Variants in NUF2 observed in about 807,000 individuals in gnomAD.
NUF2 encodes kinetochore protein Nuf2.
Under a neutral mutation model 61.8 loss-of-function variants are expected in NUF2, and 34 were observed. That is an observed-to-expected ratio of 0.55 (90% CI 0.42 to 0.73). The LOEUF (loss-of-function observed/expected upper bound fraction) is 0.73, where lower values mean the gene tolerates loss of function less well. NUF2 is among the 30% of genes least tolerant of loss of function. NUF2 has a pLI of 0.00. For missense variants in NUF2, 445 were observed against 539.1 expected (o/e 0.83, Z 1.73); for synonymous variants, 172 against 181.6 (o/e 0.95, Z 0.42).
chr1:163,352,093 AT>A (rs34818618), intron 13 of NUF2, among the ~76,000 whole-genome samples: 19,963 of 151,766 alleles, frequency 0.13, 1,630 homozygotes, highest in Non-Finnish European at 0.17. Flanking sequence ...ATTTCTTTGT[AT>A]TTCTCAATTG....
intron 1 of NUF2, among the ~76,000 whole-genome samples, chr1:163,325,354 T>C (rs1650381161): frequency 6.6e-6 from 1 of 152,186 alleles, no homozygotes; most frequent in East Asian, 1.9e-4. Flanking sequence ...CATTGCCAGA[T>C]GTGCCCTTGG....
chr1:163,325,387 C>A (rs143134502), intron 1 of NUF2, among the ~76,000 whole-genome samples: 1 of 152,258 alleles, frequency 6.6e-6, no homozygotes, highest in South Asian at 2.1e-4. Context: ...AGAACTACTA[C>A]GCTAGGGGGA....
chr1:163,341,067 A>G (rs1205180156), intron 9 of NUF2, among the ~76,000 whole-genome samples: 11 of 152,184 alleles, frequency 7.2e-5, no homozygotes, highest in Non-Finnish European at 1.0e-4. Context: ...TGATTTCTAG[A>G]AAGATACCAA....
intron 1 of NUF2, among the ~76,000 whole-genome samples, 194 bp from the exon 2 acceptor site, chr1:163,325,836 CTG>C (rs776927640): frequency 6.6e-6 from 1 of 152,158 alleles, no homozygotes; most frequent in Non-Finnish European, 1.5e-5. Context: ...CAGAAAATAA[CTG>C]TGTCACCTTA....
chr1:163,336,451 C>G (rs1414958280), intron 5 of NUF2, among the ~76,000 whole-genome samples: 1 of 152,072 alleles, frequency 6.6e-6, no homozygotes, highest in East Asian at 1.9e-4. Flanking sequence ...TGCCTTTTAT[C>G]CAGCATCTAA....
At chr1:163,349,564 T>C (rs2101690550) in intron 13 of NUF2, among the ~76,000 whole-genome samples, 1 of 152,296 alleles carries the variant, frequency 6.6e-6, no homozygotes, top group East Asian at 1.9e-4. Context: ...CTTGTTTACA[T>C]TGACAACTTA....
intron 5 of NUF2, among the ~76,000 whole-genome samples, chr1:163,333,381 G>A (rs141995500): frequency 4.0e-5 from 6 of 151,800 alleles, no homozygotes; most frequent in African/African-American, 4.8e-5. Flanking sequence ...TCTTTTAATC[G>A]GAGTCTTAGA....
intron 13 of NUF2, among the ~76,000 whole-genome samples, chr1:163,350,449 C>T (rs567914630): frequency 1.3e-5 from 2 of 152,036 alleles, no homozygotes; most frequent in African/African-American, 2.4e-5. Context: ...AACTCAAATT[C>T]GAGGCACCTT....
chr1:163,324,416 G>C (rs572075109), intron 1 of NUF2, among the ~76,000 whole-genome samples: 11 of 152,168 alleles, frequency 7.2e-5, no homozygotes, highest in African/African-American at 2.7e-4. Context: ...TGTTCAAGTT[G>C]AATTGGGAAG....
intron 9 of NUF2, among the ~76,000 whole-genome samples, chr1:163,342,385 T>C (rs1650974594): frequency 6.6e-6 from 1 of 152,164 alleles, no homozygotes; most frequent in Admixed American, 6.5e-5. Context: ...AGAAAAGTGA[T>C]GAAAGTTAAC....
intron 13 of NUF2, among the ~76,000 whole-genome samples, chr1:163,354,337 A>G (rs545712419): frequency 4.7e-4 from 72 of 152,292 alleles, no homozygotes; most frequent in African/African-American, 1.7e-3. Flanking sequence ...AGTCTTAAGC[A>G]TATATTTACA....
intron 7 of NUF2, among the ~76,000 whole-genome samples, chr1:163,338,795 C>A (rs1650845069): frequency 6.6e-6 from 1 of 151,972 alleles, no homozygotes. Flanking sequence ...AATAACAAAA[C>A]CCATGTAATA....
chr1:163,334,321 G>A (rs879605720), intron 5 of NUF2, among the ~76,000 whole-genome samples: 1 of 151,910 alleles, frequency 6.6e-6, no homozygotes, highest in African/African-American at 2.4e-5. Flanking sequence ...TTTCTTAAAG[G>A]GATTTTTTAT....
chr1:163,343,841 G>A lies in NUF2; in HGVS notation c.778G>A (p.Asp260Asn). ...KLKNYKEKMK[D>N]TVQKLKNARQ... ...AAAGAATTATAAAGAAAAAATGAAA[G>A]ATACGGTCCAGAAGCTTAAAAATGC... Residue 260 changes from aspartate to asparagine, a missense_variant, in exon 10 of 14, where the codon GAT (aspartate) becomes AAT (asparagine). Physicochemically the swap from Asp to Asn is conservative, Grantham distance 23. Transcript: ENST00000271452. 1 of 1,460,720 alleles carries A rather than the reference G, an allele frequency of 6.8e-7. No individual in the cohort carries two copies. 90.5% of individuals were successfully genotyped at this position (1,460,720 alleles called of 1,614,324 possible). A position where few individuals can be genotyped will look rare whatever the true frequency, so the allele number is the denominator to read the frequency against.
chr1:163,343,752 T>C lies in NUF2; in HGVS notation c.689T>C (p.Val230Ala). The C allele has an allele frequency of 1.4e-6, 2 of 1,408,392 alleles. No homozygotes were observed. Among genetic ancestry groups the C allele is most frequent in the Non-Finnish European group, 9.4e-7 (1 of 1,058,214 alleles). The allele number at this position is 1,408,392 out of a possible 1,614,324, so 87.2% of individuals were successfully genotyped here. ...CAACAGAATGAACTAAAATTGTCGG[T>C]GGTTTCTTTGAAAGAAATACAAGAG... ...TKRLNELKLS[V>A]VSLKEIQESL... Residue 230 changes from valine to alanine, a missense_variant, in exon 10 of 14, where the codon GTG becomes GCG. Coordinates refer to ENST00000271452, the MANE Select transcript of NUF2 (RefSeq NM_145697.3).
At chr1:163,333,876 A>G (rs1294059397) in intron 5 of NUF2, among the ~76,000 whole-genome samples, 1 of 152,154 alleles carries the variant, frequency 6.6e-6, no homozygotes, top group African/African-American at 2.4e-5. Flanking sequence ...ACATACATAT[A>G]TTGTGTAGTG....
At chr1:163,340,233 C>G (rs896315494) in intron 8 of NUF2, 131 bp from the exon 9 acceptor site, 9 of 679,540 alleles carry the variant, frequency 1.3e-5, no homozygotes, top group Middle Eastern at 7.5e-4. Flanking sequence ...GCATCATGAA[C>G]AGAGAAAGTT....
chr1:163,326,999 A>G (rs1341352451), intron 2 of NUF2, among the ~76,000 whole-genome samples: 2 of 152,134 alleles, frequency 1.3e-5, no homozygotes, highest in Non-Finnish European at 2.9e-5. Flanking sequence ...AAAATTCTAT[A>G]TAACCCTATT....
At chr1:163,354,785 A>G (rs946518742) in intron 13 of NUF2, among the ~76,000 whole-genome samples, 2 of 152,058 alleles carry the variant, frequency 1.3e-5, no homozygotes, top group Non-Finnish European at 2.9e-5. Context: ...AAATGTGTAC[A>G]CGCTAATTTT....
Sources: gnomAD v4.1 joint callset for allele counts (sites outside exome capture counted in the v4.1 genomes callset) on GRCh38, gnomAD v4.1.1 for gene constraint, MANE v1.5 for transcripts, NCBI Gene and HGNC (gene_info 2026-07-23, HGNC 2026-07-21) for gene names.